MYLK3: variants seen among roughly 807,000 people sequenced by gnomAD.
MYLK3 encodes myosin light chain kinase 3, also known as MLC kinase.
A neutral mutation model predicts 76.3 loss-of-function variants in MYLK3; 55 were observed. The ratio of observed to expected loss-of-function variants is 0.72; its 90% CI spans 0.58 to 0.90. The LOEUF (loss-of-function observed/expected upper bound fraction) is 0.90, where lower values mean the gene tolerates loss of function less well. Among genes scored for constraint, MYLK3 ranks in the 40% least tolerant of loss-of-function variants. MYLK3 has a pLI of 0.00. For missense variants in MYLK3, 973 were observed against 1,053.6 expected, an observed-to-expected ratio of 0.92 and a Z score of 1.06; for synonymous variants, 416 against 425.4, an observed-to-expected ratio of 0.98 and a Z score of 0.27.
chr16:46,727,147 ACTGT>A, intron 8 of MYLK3, 85 bp downstream of exon 8: 1 of 1,417,414 alleles, frequency 7.1e-7, no homozygotes, highest in East Asian at 2.4e-5. Flanking sequence ...GGAAGCTGGG[ACTGT>A]CTGTGGATAG....
In MYLK3 at chr16:46,729,725, G is replaced by A. The variant is rs757961855; in HGVS notation, c.1569-38C>T. ...AGCCACACGGCAGGCTGAGAGCCCA[G>A]AGGCTCATCCCACACCCATCCCTGG... On this transcript the variant is annotated intron_variant, in intron 5 of 12. Transcript: ENST00000394809. 1.9e-6 allele frequency: 3 copies of A among 1,584,482 alleles called. No individual in the cohort carries two copies. The Admixed American group carries it at 5.0e-5, about 26-fold the overall frequency.
intron 9 of MYLK3, among the ~76,000 whole-genome samples, chr16:46,716,443 G>T (rs1406009799): frequency 6.6e-6 from 1 of 151,282 alleles, no homozygotes; most frequent in Admixed American, 6.6e-5. Context: ...ATATATGTAT[G>T]TATGTGTATA....
intron 1 of MYLK3, among the ~76,000 whole-genome samples, chr16:46,747,407 C>T (rs2143017101): frequency 6.6e-6 from 1 of 152,334 alleles, no homozygotes; most frequent in Admixed American, 6.5e-5. Flanking sequence ...ACGGGGGTGT[C>T]AGAGAAGTGT....
chr16:46,742,782 T>G (rs769266832), intron 1 of MYLK3, among the ~76,000 whole-genome samples: 7 of 152,210 alleles, frequency 4.6e-5, no homozygotes, highest in Admixed American at 6.5e-5. Flanking sequence ...TCACTGCCGC[T>G]GTCACCATGA....
At chr16:46,756,389 C>A (rs1031812871) in intron 1 of MYLK3, among the ~76,000 whole-genome samples, 1 of 152,198 alleles carries the variant, frequency 6.6e-6, no homozygotes, top group Non-Finnish European at 1.5e-5. Flanking sequence ...ATCTTACCGG[C>A]AACTCCATAT....
chr16:46,729,779 G>T, intron 5 of MYLK3, 92 bp from the exon 6 acceptor site: 2 of 1,101,332 alleles, frequency 1.8e-6, no homozygotes, highest in Non-Finnish European at 1.4e-6. Context: ...TCCACACACA[G>T]GCCATGTGGA....
intron 3 of MYLK3, among the ~76,000 whole-genome samples, chr16:46,735,441 G>A (rs1966863958): frequency 6.6e-6 from 1 of 152,074 alleles, no homozygotes; most frequent in South Asian, 2.1e-4. Flanking sequence ...CTTGACCTCA[G>A]CTGATCCGCC....
chr16:46,731,040 G>A (rs973162204), intron 4 of MYLK3, among the ~76,000 whole-genome samples: 1 of 152,224 alleles, frequency 6.6e-6, no homozygotes, highest in Non-Finnish European at 1.5e-5. Flanking sequence ...AGGTGATGGG[G>A]CAGTTAGTGA....
chr16:46,727,126 G>C (rs1966844244), intron 8 of MYLK3, 110 bp downstream of exon 8: 1 of 1,268,338 alleles, frequency 7.9e-7, no homozygotes, highest in Non-Finnish European at 1.1e-6. Context: ...AAATGACAGA[G>C]AGCCAGGAAT....
chr16:46,727,538 T>G lies in MYLK3; in HGVS notation c.1773-161A>C, dbSNP rs539723084. Among the ~76,000 whole-genome samples, 307 of 152,260 alleles carry G rather than the reference T, an allele frequency of 2.0e-3. 1 individual carries two copies. The highest frequency in any genetic ancestry group is 3.9e-3 in the South Asian group (19 of 4,824). ...ACTGCCCTTGGGTTTTTTGTGTGTT[T>G]TGTTTTTAGACAGAGTCTCACCCTG... is the stretch of plus-strand genomic sequence containing the variant. On this transcript the variant is annotated intron_variant, in intron 7 of 12. Coordinates refer to ENST00000394809, the MANE Select transcript of MYLK3 (RefSeq NM_182493.3).
At position 46,706,093 on chromosome 16, in the gene MYLK3, ATG is replaced by A. The variant is rs1301738054; in HGVS notation, c.*1609_*1610del. 1 of 152,126 alleles carries A rather than the reference ATG, an allele frequency of 6.6e-6. No homozygotes were observed. The highest frequency in any genetic ancestry group is 1.5e-5 in the Non-Finnish European group (1 of 68,046). 9.4% of individuals were successfully genotyped at this position (152,126 alleles called of 1,614,324 possible). A position where few individuals can be genotyped will look rare whatever the true frequency, so the allele number is the denominator to read the frequency against. ...TAAATGTACAGTGGACCCTTGAACA[ATG>A]TGAGGGTTAGGAGTGCCTACCCCCT... On this transcript the variant is annotated 3_prime_UTR_variant, in exon 13 of 13. Transcript: ENST00000394809.
chr16:46,718,430 G>A lies in MYLK3; in HGVS notation c.1985+2693C>T, dbSNP rs144336767. On this transcript the variant is annotated intron_variant, in intron 9 of 12. Coordinates refer to ENST00000394809, the MANE Select transcript of MYLK3 (RefSeq NM_182493.3). ...CTGCGGTTACACTAGCAGCACATGG[G>A]GCACTGAAAATGCATCATCACACTG... is the stretch of plus-strand genomic sequence containing the variant. 2.8e-3 allele frequency among the ~76,000 whole-genome samples: 428 copies of A among 152,230 alleles called. 2 individuals are homozygous for A. Among genetic ancestry groups the A allele is most frequent in the Admixed American group, 4.6e-3 (71 of 15,300 alleles).
At chr16:46,719,142 C>A (rs986842049) in intron 9 of MYLK3, among the ~76,000 whole-genome samples, 7 of 152,086 alleles carry the variant, frequency 4.6e-5, no homozygotes, top group Non-Finnish European at 7.4e-5. Flanking sequence ...TCCTGGCCAA[C>A]ATGGTGAAAC....
At position 46,705,520 on chromosome 16, in the gene MYLK3, C is replaced by A. The variant is rs1232337808; in HGVS notation, c.*2184G>T. ...CTCCAGCCTGGGTGACAGAGGAAGA[C>A]TCTCTCAAAAAAAATAAAAAACTAA... On this transcript the variant is annotated 3_prime_UTR_variant, in exon 13 of 13. Transcript: ENST00000394809. The A allele has an allele frequency of 6.7e-6, 1 of 148,596 alleles. No homozygotes were observed. The highest frequency in any genetic ancestry group is 1.5e-5 in the Non-Finnish European group (1 of 67,330). 9.2% of individuals were successfully genotyped at this position (148,596 alleles called of 1,614,324 possible). A position where few individuals can be genotyped will look rare whatever the true frequency, so the allele number is the denominator to read the frequency against.
chr16:46,746,228 C>T (rs1217530264), intron 1 of MYLK3, among the ~76,000 whole-genome samples: 1 of 151,838 alleles, frequency 6.6e-6, no homozygotes, highest in East Asian at 1.9e-4. Context: ...AATGTAGATG[C>T]TATATGAGAA....
In MYLK3 at chr16:46,760,714, T is replaced by G. The variant is rs998289835; in HGVS notation, c.-114+2326A>C. On this transcript the variant is annotated intron_variant, in intron 1 of 11. Coordinates refer to the MYLK3 transcript ENST00000536476. ...CTCTGAGCTGAGCCCAGTCCCAAGATGTCTTGGTATCAAATCTGAAGAACT... is the reference window on the plus strand; with the variant it reads ...CTCTGAGCTGAGCCCAGTCCCAAGAGGTCTTGGTATCAAATCTGAAGAACT... Among the ~76,000 whole-genome samples, 6 of 152,036 alleles carry G rather than the reference T, an allele frequency of 3.9e-5. No homozygotes were observed. In the East Asian group the frequency reaches 1.2e-3, roughly 29 times the overall value.
chr16:46,747,225 T>C (rs1182231793), intron 1 of MYLK3, among the ~76,000 whole-genome samples: 1 of 152,168 alleles, frequency 6.6e-6, no homozygotes, highest in African/African-American at 2.4e-5. Context: ...TCCCCCTGGG[T>C]CACTGTCAAC....
chr16:46,761,920 A>T (rs1357300163), intron 1 of MYLK3, among the ~76,000 whole-genome samples: 1 of 152,124 alleles, frequency 6.6e-6, no homozygotes, highest in Non-Finnish European at 1.5e-5. Flanking sequence ...TGAAAAAAAA[A>T]AAAAAAGGAA....
At chr16:46,757,697 C>T (rs1383690416) in intron 1 of MYLK3, 1 of 785,170 alleles carries the variant, frequency 1.3e-6, no homozygotes, top group Non-Finnish European at 1.5e-6. Context: ...CCAGCGGCAT[C>T]CAGAGGCTTC....
Sources: allele counts gnomAD v4.1 joint callset (sites outside exome capture counted in the v4.1 genomes callset), GRCh38; gene constraint gnomAD v4.1.1; transcripts MANE v1.5; gene names NCBI Gene and HGNC (gene_info 2026-07-23, HGNC 2026-07-21).